BRINP3: variants seen among roughly 807,000 people sequenced by gnomAD.
BRINP3 encodes the protein BMP/retinoic acid-inducible neural-specific protein 3.
BRINP3 carries 19 observed loss-of-function variants against 71.0 expected under a neutral mutation model. The ratio of observed to expected loss-of-function variants is 0.27; its 90% CI spans 0.19 to 0.39. The LOEUF (loss-of-function observed/expected upper bound fraction) is 0.39. BRINP3 is among the 10% of genes least tolerant of loss of function. The probability of loss-of-function intolerance (pLI) is 1.00; values close to 1 mark genes in which losing one functional copy is unlikely to be tolerated. For missense variants in BRINP3, 959 were observed against 940.8 expected (o/e 1.02, Z -0.25); for synonymous variants, 380 against 337.7 (o/e 1.13, Z -1.37).
At chr1:190,465,655 C>T (rs544576686) in intron 1 of BRINP3, among the ~76,000 whole-genome samples, 1 of 151,862 alleles carries the variant, frequency 6.6e-6, no homozygotes, top group South Asian at 2.1e-4. Context: ...CACTGATCCC[C>T]ATCCTGCTCC....
chr1:190,226,510 C>T (rs1438173521), intron 5 of BRINP3, among the ~76,000 whole-genome samples, 192 bp from the exon 6 acceptor site: 3 of 151,920 alleles, frequency 2.0e-5, no homozygotes, highest in Non-Finnish European at 2.9e-5. Context: ...CATATTCTGA[C>T]TCCATGAATA....
chr1:190,384,847 A>G (rs889075611), intron 2 of BRINP3, among the ~76,000 whole-genome samples: 1 of 151,992 alleles, frequency 6.6e-6, no homozygotes. Flanking sequence ...GATTTATCAT[A>G]TAAGAAACAA....
intron 7 of BRINP3, among the ~76,000 whole-genome samples, chr1:190,120,437 A>C (rs1293246680): frequency 6.6e-6 from 1 of 152,132 alleles, no homozygotes; most frequent in African/African-American, 2.4e-5. Flanking sequence ...GTTTTCTTAT[A>C]ATGTCAAGCA....
intron 2 of BRINP3, among the ~76,000 whole-genome samples, chr1:190,447,529 C>CTA (rs1243838926): frequency 1.4e-5 from 2 of 146,266 alleles, no homozygotes; most frequent in Non-Finnish European, 1.5e-5. Flanking sequence ...CACTTTTGCA[C>CTA]TATATATATA....
At chr1:190,141,684 C>G (rs1162375146) in intron 7 of BRINP3, among the ~76,000 whole-genome samples, 2 of 150,516 alleles carry the variant, frequency 1.3e-5, no homozygotes, top group Non-Finnish European at 2.9e-5. Context: ...CCTCAGCCTC[C>G]TAAGTAGCTG....
chr1:190,201,005 G>C (rs913197698), intron 6 of BRINP3, among the ~76,000 whole-genome samples: 1 of 152,098 alleles, frequency 6.6e-6, no homozygotes, highest in African/African-American at 2.4e-5. Flanking sequence ...TTGCTGAAAA[G>C]ATACCCAAAA....
chr1:190,396,694 T>C (rs1293790996), intron 2 of BRINP3, among the ~76,000 whole-genome samples: 16 of 118,738 alleles, frequency 1.3e-4, no homozygotes, highest in African/African-American at 5.0e-4. Flanking sequence ...ACAAACGCAC[T>C]ATGCATTCCT....
At chr1:190,454,997 A>C in intron 1 of BRINP3, 57 bp from the exon 2 acceptor site, 1 of 822,334 alleles carries the variant, frequency 1.2e-6, no homozygotes, top group Non-Finnish European at 1.9e-6. Context: ...TCTCTCAGTT[A>C]AGGTGTTGAG....
chr1:190,102,476 G>A (rs982800223), intron 7 of BRINP3, among the ~76,000 whole-genome samples: 3 of 151,966 alleles, frequency 2.0e-5, no homozygotes, highest in Non-Finnish European at 2.9e-5. Context: ...CACTATTTAC[G>A]GTCTACTTGG....
chr1:190,269,497 T>C (rs1469702832), intron 3 of BRINP3, among the ~76,000 whole-genome samples: 1 of 152,010 alleles, frequency 6.6e-6, no homozygotes, highest in Admixed American at 6.6e-5. Flanking sequence ...ATTTACAACT[T>C]ATATAACGGA....
chr1:190,312,036 AATATAT>A (rs1180367434), intron 2 of BRINP3, among the ~76,000 whole-genome samples: 1,688 of 68,296 alleles, frequency 0.025, 28 homozygotes, highest in African/African-American at 0.04. Flanking sequence ...TGAAAAGTCA[AATATAT>A]ATATATATAT....
intron 2 of BRINP3, among the ~76,000 whole-genome samples, chr1:190,416,556 C>T (rs114181485): frequency 1.1e-3 from 170 of 152,188 alleles, no homozygotes; most frequent in African/African-American, 4.0e-3. Context: ...GCATGAAAGG[C>T]TTTTATAGTG....
chr1:190,129,183 G>T (rs1654330387), intron 7 of BRINP3, among the ~76,000 whole-genome samples: 1 of 151,786 alleles, frequency 6.6e-6, no homozygotes, highest in South Asian at 2.1e-4. Flanking sequence ...AAAGGATCAA[G>T]ATTAGGGACA....
chr1:190,364,561 T>C (rs1669362436), intron 2 of BRINP3, among the ~76,000 whole-genome samples: 1 of 151,916 alleles, frequency 6.6e-6, no homozygotes, highest in Non-Finnish European at 1.5e-5. Flanking sequence ...CAAAGTGTAA[T>C]GGTTACACTT....
rs150192290 is a variant in BRINP3 at position 190,377,548 on chromosome 1, A to AATAT, written c.236+77103_236+77106dup. On this transcript the variant is annotated intron_variant, in intron 2 of 7. Transcript: ENST00000367462. ...AACTATCTCTACTTGCAGAGGAAAT[A>AATAT]ATATATATATATATATATGTAATCT... is the stretch of plus-strand genomic sequence containing the variant. Among the ~76,000 whole-genome samples the AATAT allele has an allele frequency of 4.2e-3, 617 of 146,080 alleles. 3 individuals carry two copies. The highest frequency in any genetic ancestry group is 4.6e-3 in the African/African-American group (184 of 40,226).
At chr1:190,432,038 TAACA>T (rs1674132149) in intron 2 of BRINP3, among the ~76,000 whole-genome samples, 1 of 152,144 alleles carries the variant, frequency 6.6e-6, no homozygotes, top group Non-Finnish European at 1.5e-5. Flanking sequence ...AGAACACCGT[TAACA>T]AACATGTTCA....
At chr1:190,310,210 T>C (rs1342225355) in intron 2 of BRINP3, among the ~76,000 whole-genome samples, 1 of 151,476 alleles carries the variant, frequency 6.6e-6, no homozygotes, top group Non-Finnish European at 1.5e-5. Context: ...GAGGATTATG[T>C]ATTGAATGCA....
intron 7 of BRINP3, among the ~76,000 whole-genome samples, chr1:190,147,432 T>C (rs1655987001): frequency 6.6e-6 from 1 of 152,244 alleles, no homozygotes; most frequent in Non-Finnish European, 1.5e-5. Context: ...AAGTAACATT[T>C]TCAGAACTAG....
chr1:190,166,023 A>AT, intron 6 of BRINP3, among the ~76,000 whole-genome samples: 1 of 152,148 alleles, frequency 6.6e-6, no homozygotes, highest in East Asian at 1.9e-4. Flanking sequence ...GACTATTTCA[A>AT]TGATTTGTAT....
Sources: allele counts gnomAD v4.1 joint callset (sites outside exome capture counted in the v4.1 genomes callset), GRCh38; gene constraint gnomAD v4.1.1; transcripts MANE v1.5; gene names NCBI Gene and HGNC (gene_info 2026-07-23, HGNC 2026-07-21).